Variants in ITPR1 observed in about 807,000 individuals in gnomAD.
ITPR1 encodes inositol 1,4,5-trisphosphate receptor type 1.
ITPR1 carries 96 observed loss-of-function variants against 318.4 expected under a neutral mutation model. That is an observed-to-expected ratio of 0.30 (90% CI 0.26 to 0.36). ITPR1 has a LOEUF of 0.36. Ranked by LOEUF, ITPR1 falls within the 10% of genes least tolerant of loss-of-function variation. The probability of loss-of-function intolerance (pLI) is 1.00; values close to 1 mark genes in which losing one functional copy is unlikely to be tolerated. For synonymous variants in ITPR1, 1,312 were observed against 1,289.9 expected (o/e 1.02, Z -0.37); for missense variants, 2,440 against 3,460.2 (o/e 0.71, Z 7.40).
At chr3:4,735,053 G>A in intron 43 of ITPR1, 111 bp from the exon 44 acceptor site, 3 of 800,162 alleles carry the variant, frequency 3.7e-6, no homozygotes, top group Non-Finnish European at 6.1e-6. Context: ...GGTTAAAAGA[G>A]ATGAACATGG....
chr3:4,839,327 CAA>C (rs111394522), intron 61 of ITPR1, among the ~76,000 whole-genome samples: 2 of 134,374 alleles, frequency 1.5e-5, no homozygotes, highest in Admixed American at 7.5e-5. Flanking sequence ...AATTCCATCT[CAA>C]AAAAAAAAAA....
intron 60 of ITPR1, among the ~76,000 whole-genome samples, chr3:4,827,911 A>C (rs1016184671): frequency 6.6e-6 from 1 of 152,032 alleles, no homozygotes; most frequent in South Asian, 2.1e-4. Context: ...AGTCAATAAC[A>C]GTGCTGGTAC....
intron 4 of ITPR1, among the ~76,000 whole-genome samples, chr3:4,623,489 A>G (rs1466380827): frequency 6.6e-6 from 1 of 152,198 alleles, no homozygotes; most frequent in Admixed American, 6.5e-5. Flanking sequence ...ACAACAGTGT[A>G]TGTGTGTGTG....
intron 55 of ITPR1, among the ~76,000 whole-genome samples, chr3:4,807,402 C>T (rs534564626): frequency 1.3e-5 from 2 of 152,246 alleles, no homozygotes; most frequent in Admixed American, 6.5e-5. Context: ...GTGAGATGCT[C>T]CCTTCGCTTA....
At chr3:4,762,847 C>G (rs922795025) in intron 44 of ITPR1, among the ~76,000 whole-genome samples, 27 of 152,292 alleles carry the variant, frequency 1.8e-4, no homozygotes, top group Admixed American at 5.9e-4. Flanking sequence ...GGTACATACC[C>G]AAAGGAACAT....
intron 31 of ITPR1, 73 bp downstream of exon 31, chr3:4,688,693 C>T (rs2125241575): frequency 1.3e-6 from 2 of 1,481,660 alleles, no homozygotes; most frequent in East Asian, 2.3e-5. Flanking sequence ...ACAGCTTGTT[C>T]TTTGGCTGTT....
intron 4 of ITPR1, among the ~76,000 whole-genome samples, chr3:4,564,526 GTCC>G (rs2087019096): frequency 6.6e-6 from 1 of 152,242 alleles, no homozygotes; most frequent in East Asian, 1.9e-4. Context: ...GCATGTTTTT[GTCC>G]TCCTGAAATT....
chr3:4,622,703 G>T (rs950032268), intron 4 of ITPR1, among the ~76,000 whole-genome samples: 1 of 152,150 alleles, frequency 6.6e-6, no homozygotes, highest in East Asian at 1.9e-4. Context: ...GTGAGCCACC[G>T]CACCCGGCCT....
At chr3:4,584,976 C>T (rs573383163) in intron 4 of ITPR1, among the ~76,000 whole-genome samples, 1 of 152,068 alleles carries the variant, frequency 6.6e-6, no homozygotes, top group African/African-American at 2.4e-5. Context: ...TGTGAAACAC[C>T]AGAATGAAAA....
intron 21 of ITPR1, 31 bp from the exon 22 acceptor site, chr3:4,674,171 T>G: frequency 1.3e-6 from 2 of 1,525,254 alleles, no homozygotes; most frequent in African/African-American, 2.8e-5. Context: ...AACTTGAAAT[T>G]TTGTTTCCTT....
chr3:4,764,086 G>A (rs757562091), intron 44 of ITPR1, among the ~76,000 whole-genome samples: 44 of 152,180 alleles, frequency 2.9e-4, no homozygotes, highest in Non-Finnish European at 5.3e-4. Context: ...CTGTAAGCCC[G>A]CATGGGTGAG....
Position 4,775,462 on chromosome 3 carries a change from G to C in ITPR1, c.6180+20G>C. 7 of 1,581,178 alleles carry C rather than the reference G, an allele frequency of 4.4e-6. No individual in the cohort carries two copies. The highest frequency in any genetic ancestry group is 6.1e-6 in the Non-Finnish European group (7 of 1,154,928). ...AACCAGGTAATTAAATTTCTGTTTTGGGATGGGGAAAAAAAGTGTCCCATT... is the reference window on the plus strand; with the variant it reads ...AACCAGGTAATTAAATTTCTGTTTTCGGATGGGGAAAAAAAGTGTCCCATT... On this transcript the variant is annotated intron_variant, in intron 47 of 61. Coordinates refer to ENST00000649015, the MANE Select transcript of ITPR1 (RefSeq NM_001378452.1).
intron 53 of ITPR1, among the ~76,000 whole-genome samples, chr3:4,796,242 G>A (rs1575282843): frequency 6.6e-6 from 1 of 152,014 alleles, no homozygotes; most frequent in East Asian, 1.9e-4. Flanking sequence ...TACGTGGAAG[G>A]CACCATCTGA....
At chr3:4,509,981 CAA>C (rs1004687224) in intron 2 of ITPR1, among the ~76,000 whole-genome samples, 7 of 152,182 alleles carry the variant, frequency 4.6e-5, no homozygotes, top group African/African-American at 1.7e-4. Flanking sequence ...GACAAACAAA[CAA>C]GTGAATAAGC....
rs139384542 is a variant in ITPR1 at position 4,702,378 on chromosome 3, G to T, written c.4537-452G>T. On this transcript the variant is annotated intron_variant, in intron 35 of 61. Coordinates refer to ENST00000649015, the MANE Select transcript of ITPR1 (RefSeq NM_001378452.1). ...TTTGTTTTTGCTGATTAAAGACATG[G>T]GTTCTACTCAGTGGATATAATGTCT... 3.7e-3 allele frequency among the ~76,000 whole-genome samples: 562 copies of T among 152,280 alleles called. 4 individuals carry two copies. The highest frequency in any genetic ancestry group is 0.014 in the Middle Eastern group (4 of 294).
chr3:4,500,414 A>T (rs2080931983), intron 2 of ITPR1, among the ~76,000 whole-genome samples: 1 of 151,922 alleles, frequency 6.6e-6, no homozygotes, highest in Admixed American at 6.6e-5. Flanking sequence ...GTTGTCCAGG[A>T]TGCTCTCAAA....
At chr3:4,806,564 A>T (rs945031096) in intron 55 of ITPR1, among the ~76,000 whole-genome samples, 1 of 152,070 alleles carries the variant, frequency 6.6e-6, no homozygotes, top group South Asian at 2.1e-4. Context: ...CTTTCCATGC[A>T]CCTTTGTTTT....
intron 4 of ITPR1, among the ~76,000 whole-genome samples, chr3:4,609,945 G>A (rs896050411): frequency 2.6e-5 from 4 of 152,118 alleles, no homozygotes; most frequent in Admixed American, 6.5e-5. Flanking sequence ...GCACTGTTGC[G>A]GACTAAGGGA....
In ITPR1 at chr3:4,519,371, C is replaced by T. The variant is rs533831752; in HGVS notation, c.93-1653C>T. On this transcript the variant is annotated intron_variant, in intron 3 of 61. Coordinates refer to ENST00000649015, the MANE Select transcript of ITPR1 (RefSeq NM_001378452.1). The stretch of plus-strand genomic sequence containing the variant: ...CCTCCCATGTAGCTGGGACTACAGG[C>T]GCCTGCCACCACGCCCAGCTAATTT... 4.7e-4 allele frequency among the ~76,000 whole-genome samples: 72 copies of T among 152,254 alleles called. 1 individual carries two copies. The highest frequency in any genetic ancestry group is 1.7e-3 in the African/African-American group (69 of 41,548).
Sources: allele counts gnomAD v4.1 joint callset (sites outside exome capture counted in the v4.1 genomes callset), GRCh38; gene constraint gnomAD v4.1.1; transcripts MANE v1.5; gene names NCBI Gene and HGNC (gene_info 2026-07-23, HGNC 2026-07-21).